The following RYR3 variants were observed in gnomAD, a reference collection of about 807,000 sequenced individuals.
RYR3 encodes brain ryanodine receptor-calcium release channel.
A neutral mutation model predicts 584.3 loss-of-function variants in RYR3; 207 were observed. That is an observed-to-expected ratio of 0.35 (90% CI 0.32 to 0.40). The LOEUF is 0.40. RYR3 is among the 10% of genes least tolerant of loss of function. The pLI, the probability that RYR3 is intolerant of heterozygous loss-of-function variation, is 1.00. For synonymous variants in RYR3, 2,416 were observed against 2,248.5 expected, an observed-to-expected ratio of 1.07 and a Z score of -2.11; for missense variants, 5,616 against 6,089.2, an observed-to-expected ratio of 0.92 and a Z score of 2.59.
Position 33,838,454 on chromosome 15 carries a change from G to T in RYR3, c.12474G>T (p.Lys4158Asn). 4 of 1,614,036 alleles carry T rather than the reference G, an allele frequency of 2.5e-6. No individual in the cohort carries two copies. The highest frequency in any genetic ancestry group is 3.4e-6 in the Non-Finnish European group (4 of 1,179,908). Residue 4158 changes from lysine to asparagine, a missense_variant, in exon 89 of 104, where the codon AAG (lysine) becomes AAT (asparagine). Transcript: ENST00000634891. ...AGAGGAATGTCACCGACTTCCTGAA[G>T]AGAGCAACCCTGAAGAACCTCAGGA... ...SVKRNVTDFL[K>N]RATLKNLRKQ...
chr15:33,811,024 A>G lies in RYR3; in HGVS notation c.10244A>G (p.His3415Arg). The change falls in exon 72 of 104, where the codon CAC becomes CGC. Residue 3415 changes from histidine to arginine, a missense_variant. Around this residue, in one of 9 missense-constraint regions of RYR3, gnomAD observed 954 missense variants for 1,132.2 expected, o/e 0.84. Coordinates refer to ENST00000634891, the MANE Select transcript of RYR3 (RefSeq NM_001036.6). Reference sequence around the variant, plus strand: ...AGAGAACATCTGCGGAACAACTTGCACTTGCAGGAAAAGGTGATGACTCAG... The same window carrying G: ...AGAGAACATCTGCGGAACAACTTGCGCTTGCAGGAAAAGGTGATGACTCAG... ...EVREHLRNNL[H>R]LQEKSDDPAV... The G allele has an allele frequency of 6.2e-7, 1 of 1,608,678 alleles. No individual in the cohort carries two copies. Among genetic ancestry groups the G allele is most frequent in the Non-Finnish European group, 8.5e-7 (1 of 1,177,714 alleles).
chr15:33,837,893 T>G lies in RYR3; in HGVS notation c.11913T>G (p.Asn3971Lys). 6.2e-7 allele frequency: 1 copy of G among 1,613,982 alleles called. No homozygotes were observed. The highest frequency in any genetic ancestry group is 8.5e-7 in the Non-Finnish European group (1 of 1,179,882). The change falls in exon 89 of 104, where the codon AAT becomes AAG. Residue 3971 changes from asparagine to lysine, a missense_variant. By Grantham distance (94) the Asn-to-Lys change is moderately conservative. Around this residue, in one of 9 missense-constraint regions of RYR3, gnomAD observed 258 missense variants for 297.3 expected, o/e 0.87. Transcript: ENST00000634891. Reference protein sequence around the residue: ...FLLSCAEADENDMFNYVDFVD... With the variant: ...FLLSCAEADEKDMFNYVDFVD... ...TGTCGTGTGCAGAAGCTGATGAGAA[T>G]GACATGTTTAATTACGTTGATTTTG...
At chr15:33,751,579 G>GTTT (rs200252156) in intron 57 of RYR3, among the ~76,000 whole-genome samples, 1 of 147,792 alleles carries the variant, frequency 6.8e-6, no homozygotes, top group Non-Finnish European at 1.5e-5. Flanking sequence ...TTTTGATGAG[G>GTTT]TTTTTTTTTT....
At position 33,725,966 on chromosome 15, in the gene RYR3, T is replaced by TTCCCCCC. The variant is rs1266306060; in HGVS notation, c.6913-420_6913-419insTCCCCCC. On this transcript the variant is annotated intron_variant, in intron 45 of 103. Transcript: ENST00000634891. ...GCCTGGGTGACAGAGCAAGACTCCA[T>TTCCCCCC]CCCCCCCCCCAAAAAAAAAAAAAAA... Among the ~76,000 whole-genome samples, 6 of 15,742 alleles carry TTCCCCCC rather than the reference T, an allele frequency of 3.8e-4. 1 individual carries two copies. Among genetic ancestry groups the TTCCCCCC allele is most frequent in the Admixed American group, 1.1e-3 (1 of 886 alleles). The allele number at this position is 15,742 out of a possible 152,430, so 10.3% of individuals were successfully genotyped here.
intron 36 of RYR3, 38 bp downstream of exon 36, chr15:33,663,775 G>A (rs2063307672): frequency 3.9e-6 from 6 of 1,541,214 alleles, no homozygotes; most frequent in Non-Finnish European, 5.3e-6. Flanking sequence ...AGTTCCTATG[G>A]AAGAACTTGA....
intron 9 of RYR3, 90 bp from the exon 10 acceptor site, chr15:33,550,070 C>A: frequency 7.4e-7 from 1 of 1,347,002 alleles, no homozygotes; most frequent in Non-Finnish European, 1.0e-6. Flanking sequence ...GGTTATAAGT[C>A]TGCTAGCATG....
chr15:33,524,625 C>T (rs1189110258), intron 3 of RYR3, among the ~76,000 whole-genome samples: 2 of 152,164 alleles, frequency 1.3e-5, no homozygotes, highest in African/African-American at 4.8e-5. Flanking sequence ...TTCCGTACCA[C>T]CTTGCCTGGA....
At chr15:33,438,231 T>G (rs1157846434) in intron 1 of RYR3, among the ~76,000 whole-genome samples, 1 of 152,182 alleles carries the variant, frequency 6.6e-6, no homozygotes, top group Non-Finnish European at 1.5e-5. Flanking sequence ...GTCACCATGA[T>G]GTACGGTGGA....
intron 14 of RYR3, among the ~76,000 whole-genome samples, chr15:33,582,506 C>T (rs1462241471): frequency 6.6e-6 from 1 of 152,174 alleles, no homozygotes; most frequent in African/African-American, 2.4e-5. Context: ...TGTATTGACC[C>T]AGTAGGCATG....
intron 76 of RYR3, 89 bp from the exon 77 acceptor site, chr15:33,819,667 C>CT (rs1221178254): frequency 2.6e-6 from 2 of 770,206 alleles, no homozygotes; most frequent in Non-Finnish European, 3.5e-6. Context: ...AGAGAAAACT[C>CT]TGTCTCAAAA....
Position 33,837,639 on chromosome 15 carries a change from G to T in RYR3, c.11659G>T (p.Val3887Leu). 6.3e-7 allele frequency: 1 copy of T among 1,590,874 alleles called. No homozygotes were observed. Among genetic ancestry groups the T allele is most frequent in the Non-Finnish European group, 8.6e-7 (1 of 1,167,782 alleles). The change falls in exon 89 of 104, where the codon GTA becomes TTA. Residue 3887 changes from valine to leucine, a missense_variant. By Grantham distance (32) the Val-to-Leu change is conservative (BLOSUM62 1). Around this residue, in one of 9 missense-constraint regions of RYR3, gnomAD observed 13 missense variants for 41.1 expected, o/e 0.32. Coordinates refer to ENST00000634891, the MANE Select transcript of RYR3 (RefSeq NM_001036.6). ...MLLSLLEGNV[V>L]NGTIGKQMVD... ...TTGAACCTGCCTCACAGGGAATGTG[G>T]TAAATGGCACCATTGGCAAGCAGAT...
intron 51 of RYR3, among the ~76,000 whole-genome samples, chr15:33,740,944 A>G (rs1346290697): frequency 2.0e-5 from 3 of 152,250 alleles, no homozygotes; most frequent in African/African-American, 7.2e-5. Context: ...GGTAAGAAGC[A>G]TGGTGAACCA....
intron 89 of RYR3, among the ~76,000 whole-genome samples, chr15:33,839,389 A>C (rs550820012): frequency 1.3e-4 from 20 of 152,308 alleles, no homozygotes; most frequent in African/African-American, 4.8e-4. Context: ...CCTCTCTATG[A>C]GTTTGATCAT....
chr15:33,540,843 C>A lies in RYR3; in HGVS notation c.599C>A (p.Thr200Lys). The A allele has an allele frequency of 6.2e-7, 1 of 1,613,008 alleles. No individual in the cohort carries two copies. Among genetic ancestry groups the A allele is most frequent in the East Asian group, 2.2e-5 (1 of 44,878 alleles). ...CAAGTGGATGCCTCCTTTATGCAAA[C>A]ACTCTGGAATGTACATCCTACGTGC... ...NIQVDASFMQ[T>K]LWNVHPTCSG... Residue 200 changes from threonine to lysine, a missense_variant, in exon 7 of 104, where the codon ACA (threonine) becomes AAA (lysine). Physicochemically the swap from Thr to Lys is moderately conservative, Grantham distance 78. Transcript: ENST00000634891.
intron 16 of RYR3, among the ~76,000 whole-genome samples, chr15:33,596,393 CTG>C (rs1017692663): frequency 1.3e-5 from 2 of 150,720 alleles, no homozygotes; most frequent in Non-Finnish European, 2.9e-5. Flanking sequence ...TTCACGAAAA[CTG>C]TGACAGTCAT....
chr15:33,779,600 G>T (rs2074253150), intron 64 of RYR3, among the ~76,000 whole-genome samples: 1 of 152,166 alleles, frequency 6.6e-6, no homozygotes, highest in African/African-American at 2.4e-5. Context: ...GCATTTTTGA[G>T]AACAGGGAAG....
intron 45 of RYR3, among the ~76,000 whole-genome samples, chr15:33,725,741 C>T (rs371221327): frequency 4.0e-4 from 59 of 149,192 alleles, no homozygotes; most frequent in African/African-American, 1.3e-3. Flanking sequence ...GGGCAGATCA[C>T]GAGGTCAGGA....
At chr15:33,634,525 G>C (rs779549448) in intron 24 of RYR3, 61 bp from the exon 25 acceptor site, 22 of 1,565,948 alleles carry the variant, frequency 1.4e-5, no homozygotes, top group Non-Finnish European at 1.9e-5. Context: ...TATGTGAATA[G>C]GGTGAGCTGT....
chr15:33,500,736 C>T (rs1349069184), intron 2 of RYR3, among the ~76,000 whole-genome samples: 1 of 152,108 alleles, frequency 6.6e-6, no homozygotes, highest in Non-Finnish European at 1.5e-5. Flanking sequence ...AGCTGGCCTC[C>T]TAGGGGACTC....
Sources: gnomAD v4.1 joint callset for allele counts (sites outside exome capture counted in the v4.1 genomes callset) on GRCh38, gnomAD v4.1.1 for gene constraint, gnomAD v4.1.1 regional missense constraint, MANE v1.5 for transcripts, NCBI Gene and HGNC (gene_info 2026-07-23, HGNC 2026-07-21) for gene names.